CACNG8: variants seen among roughly 807,000 people sequenced by gnomAD.
CACNG8 encodes the protein calcium voltage-gated channel auxiliary subunit gamma 8.
Under a neutral mutation model 26.9 loss-of-function variants are expected in CACNG8, and 5 were observed. The ratio of observed to expected loss-of-function variants is 0.19; its 90% CI spans 0.10 to 0.39. The LOEUF (loss-of-function observed/expected upper bound fraction) is 0.39. Among genes scored for constraint, CACNG8 ranks in the 10% least tolerant of loss-of-function variants. The pLI is 1.00. For missense variants in CACNG8, 473 were observed against 609.4 expected (o/e 0.78, Z 2.36); for synonymous variants, 321 against 296.7 (o/e 1.08, Z -0.84).
intron 1 of CACNG8, among the ~76,000 whole-genome samples, chr19:53,973,584 T>C (rs1481103624): frequency 6.6e-6 from 1 of 151,790 alleles, no homozygotes; most frequent in East Asian, 1.9e-4. Context: ...CCCAGCACTT[T>C]GGAAGGCCGA....
chr19:53,963,637 G>A (rs1478069226), intron 1 of CACNG8, among the ~76,000 whole-genome samples: 3 of 151,990 alleles, frequency 2.0e-5, no homozygotes, highest in East Asian at 1.9e-4. Flanking sequence ...GGAATTCCTC[G>A]GCATGCTCCC....
chr19:53,982,171 C>T lies in CACNG8; in HGVS notation c.600C>T (p.Tyr200=). Residue 200 remains tyrosine, a synonymous_variant, in exon 4 of 4, where the codon TAC becomes TAT. Transcript: ENST00000270458. This position sits in a 1 kb window ranked among gnomAD's most constrained non-coding sequence, Gnocchi z 8.4. ...GGGACGAGGAGAAGAAAAACCACTACTCGTACGGCTGGTCCTTCTACTTCG... is the reference window on the plus strand; with the variant it reads ...GGGACGAGGAGAAGAAAAACCACTATTCGTACGGCTGGTCCTTCTACTTCG... 1 of 1,613,454 alleles carries T rather than the reference C, an allele frequency of 6.2e-7. No homozygotes were observed. The highest frequency in any genetic ancestry group is 8.5e-7 in the Non-Finnish European group (1 of 1,179,718).
rs893601820 is a variant in CACNG8, at chr19:53,983,718, G to C, written c.*869G>C. ...CAGTTGTGAGGAAGAGATTTCAGTG[G>C]ACAGTGAAAGGATGAGAAGAAGCCA... On this transcript the variant is annotated 3_prime_UTR_variant, in exon 4 of 4. Transcript: ENST00000270458. 1 of 152,404 alleles carries C rather than the reference G, an allele frequency of 6.6e-6. No individual in the cohort carries two copies. 9.4% of individuals were successfully genotyped at this position (152,404 alleles called of 1,614,324 possible). A position where few individuals can be genotyped will look rare whatever the true frequency, so the allele number is the denominator to read the frequency against.
At chr19:53,975,249 A>G (rs1321724909) in intron 1 of CACNG8, among the ~76,000 whole-genome samples, 1 of 151,770 alleles carries the variant, frequency 6.6e-6, no homozygotes, top group African/African-American at 2.4e-5. Context: ...CGCCTGGCCT[A>G]TTTTGCTTAT....
chr19:53,978,038 C>T, intron 1 of CACNG8, 108 bp from the exon 2 acceptor site: 5 of 726,194 alleles, frequency 6.9e-6, no homozygotes, highest in Non-Finnish European at 9.7e-6. Flanking sequence ...CCCAAGCAGC[C>T]CAGAGAGAGA....
chr19:53,974,512 A>G (rs1209822153), intron 1 of CACNG8, among the ~76,000 whole-genome samples: 1 of 152,122 alleles, frequency 6.6e-6, no homozygotes. Context: ...TTCTATTTGT[A>G]GTTTTTGAGG....
intron 1 of CACNG8, 51 bp from the exon 2 acceptor site, chr19:53,978,095 C>A: frequency 7.7e-7 from 1 of 1,297,220 alleles, no homozygotes. Context: ...GGTTGCCCCG[C>A]CCCCAACCCT....
Position 53,982,903 on chromosome 19 carries a change from T to G in CACNG8, c.*54T>G. The G allele has an allele frequency of 8.6e-7, 1 of 1,165,356 alleles. No individual in the cohort carries two copies. The highest frequency in any genetic ancestry group is 1.1e-6 in the Non-Finnish European group (1 of 936,568). 72.2% of individuals were successfully genotyped at this position (1,165,356 alleles called of 1,614,324 possible). Reference sequence around the variant, plus strand: ...TCCGGGGCGCGTGCGCGGGCGCGCGTGCATCGAGGCTGCCGGGGTCGGGGG... The same window carrying G: ...TCCGGGGCGCGTGCGCGGGCGCGCGGGCATCGAGGCTGCCGGGGTCGGGGG... On this transcript the variant is annotated 3_prime_UTR_variant, in exon 4 of 4. Transcript: ENST00000270458. The surrounding 1 kb of genome is among the most constrained non-coding windows in gnomAD (Gnocchi z 8.4).
Position 53,982,864 on chromosome 19 carries a change from A to G in CACNG8, c.*15A>G, listed in dbSNP as rs909387750. On this transcript the variant is annotated 3_prime_UTR_variant, in exon 4 of 4. Transcript: ENST00000270458. This position sits in a 1 kb window ranked among gnomAD's most constrained non-coding sequence, Gnocchi z 8.4. ...CGCCTGTGTAGGGGCGCGGCGGGGG[A>G]GCCGAGGGGCGTGTCCGGGGCGCGT... 2 of 1,269,160 alleles carry G rather than the reference A, an allele frequency of 1.6e-6. No homozygotes were observed. Among genetic ancestry groups the G allele is most frequent in the South Asian group, 2.1e-5 (1 of 48,350 alleles). 78.6% of individuals were successfully genotyped at this position (1,269,160 alleles called of 1,614,324 possible). A position where few individuals can be genotyped will look rare whatever the true frequency, so the allele number is the denominator to read the frequency against.
At chr19:53,969,812 T>A (rs763883495) in intron 1 of CACNG8, among the ~76,000 whole-genome samples, 11 of 152,166 alleles carry the variant, frequency 7.2e-5, no homozygotes, top group Non-Finnish European at 1.2e-4. Context: ...GGAGCGGCCG[T>A]TCTTTATTCC....
At chr19:53,981,235 G>C (rs1438050947) in intron 3 of CACNG8, among the ~76,000 whole-genome samples, 2 of 152,188 alleles carry the variant, frequency 1.3e-5, no homozygotes, top group African/African-American at 4.8e-5. Flanking sequence ...AAGGAGCAGA[G>C]GGATGAGGCT....
rs2069431441 is a variant in CACNG8 at position 53,989,900 on chromosome 19, A to C, written c.*7051A>C. 1 of 152,552 alleles carries C rather than the reference A, an allele frequency of 6.6e-6. No individual in the cohort carries two copies. The highest frequency in any genetic ancestry group is 1.5e-5 in the Non-Finnish European group (1 of 68,276). 9.4% of individuals were successfully genotyped at this position (152,552 alleles called of 1,614,324 possible). A position where few individuals can be genotyped will look rare whatever the true frequency, so the allele number is the denominator to read the frequency against. ...GGAAGAACCAGACACAGACAATCAC[A>C]CTGCGGGGAAACACGTGCTCCATCG... On this transcript the variant is annotated 3_prime_UTR_variant, in exon 4 of 4. Coordinates refer to ENST00000270458, the MANE Select transcript of CACNG8 (RefSeq NM_031895.6).
At chr19:53,977,065 C>G (rs959419526) in intron 1 of CACNG8, among the ~76,000 whole-genome samples, 2 of 152,212 alleles carry the variant, frequency 1.3e-5, no homozygotes, top group African/African-American at 2.4e-5. Flanking sequence ...TGCCCTACCC[C>G]CTCCAGGAAC....
At position 53,974,919 on chromosome 19, in the gene CACNG8, C is replaced by T. The variant is rs183404564; in HGVS notation, c.284-3227C>T. ...CCTCTCAAAGTGCTGGGATTACTGACGTGAGCTACCGCACCCAGCCTATTT... is the reference window on the plus strand; with the variant it reads ...CCTCTCAAAGTGCTGGGATTACTGATGTGAGCTACCGCACCCAGCCTATTT... On this transcript the variant is annotated intron_variant, in intron 1 of 3. Coordinates refer to ENST00000270458, the MANE Select transcript of CACNG8 (RefSeq NM_031895.6). 5.6e-4 allele frequency among the ~76,000 whole-genome samples: 85 copies of T among 151,072 alleles called. 1 individual carries two copies. The highest frequency in any genetic ancestry group is 2.1e-4 in the South Asian group (1 of 4,778).
intron 1 of CACNG8, among the ~76,000 whole-genome samples, chr19:53,963,638 G>T (rs930906135): frequency 6.6e-6 from 1 of 151,850 alleles, no homozygotes. Context: ...GAATTCCTCG[G>T]CATGCTCCCT....
chr19:53,970,365 T>A (rs574365340), intron 1 of CACNG8, among the ~76,000 whole-genome samples: 3 of 134,200 alleles, frequency 2.2e-5, no homozygotes, highest in Non-Finnish European at 3.2e-5. Context: ...GGCTCACGCC[T>A]TGTAATCCCA....
intron 3 of CACNG8, among the ~76,000 whole-genome samples, chr19:53,980,674 C>T (rs914044727): frequency 6.6e-6 from 1 of 152,168 alleles, no homozygotes; most frequent in African/African-American, 2.4e-5. Context: ...GAGAATCAAC[C>T]TGGCTGATTG....
chr19:53,972,365 T>TC (rs200108800), intron 1 of CACNG8, among the ~76,000 whole-genome samples: 6 of 143,198 alleles, frequency 4.2e-5, no homozygotes, highest in East Asian at 4.1e-4. Flanking sequence ...TCTTTTCTTT[T>TC]TTTTTTTTTT....
chr19:53,974,817 T>G lies in CACNG8; in HGVS notation c.284-3329T>G, dbSNP rs1045505004. Among the ~76,000 whole-genome samples, 3 of 150,716 alleles carry G rather than the reference T, an allele frequency of 2.0e-5. No individual in the cohort carries two copies. In the Admixed American group the frequency reaches 2.0e-4, roughly 10 times the overall value. On this transcript the variant is annotated intron_variant, in intron 1 of 3. Coordinates refer to ENST00000270458, the MANE Select transcript of CACNG8 (RefSeq NM_031895.6). ...CCACCATGCCCAGCTAATTTTTGTA[T>G]TTTTAGTAGAGACAGGGTTTCACCA...
Sources: gnomAD v4.1 joint callset for allele counts (sites outside exome capture counted in the v4.1 genomes callset) on GRCh38, gnomAD v4.1.1 for gene constraint, Gnocchi (gnomAD v3.1) non-coding constraint, MANE v1.5 for transcripts, NCBI Gene and HGNC (gene_info 2026-07-23, HGNC 2026-07-21) for gene names.